Variants in CCL24 observed in about 807,000 individuals in gnomAD.
The protein encoded by CCL24 is C-C motif chemokine 24.
In CCL24, 6 loss-of-function variants were observed where a neutral mutation model predicts 8.6. The observed-to-expected ratio is 0.70, with a 90% CI of 0.38 to 1.38. The LOEUF (loss-of-function observed/expected upper bound fraction) is 1.38. CCL24 is among the 40% of genes most tolerant of loss of function. The pLI, the probability that CCL24 is intolerant of heterozygous loss-of-function variation, is 0.02. For missense variants in CCL24, 126 were observed against 147.1 expected, an observed-to-expected ratio of 0.86 and a Z score of 0.74; for synonymous variants, 59 against 52.7, an observed-to-expected ratio of 1.12 and a Z score of -0.52.
intron 1 of CCL24, among the ~76,000 whole-genome samples, chr7:75,820,261 C>T (rs1303343791): frequency 6.6e-6 from 1 of 151,712 alleles, no homozygotes; most frequent in East Asian, 1.9e-4. Context: ...TCACTGCAAC[C>T]TCCAACTCCC....
upstream of CCL24, among the ~76,000 whole-genome samples, chr7:75,817,293 T>TG (rs1175900837): frequency 6.6e-6 from 1 of 151,456 alleles, no homozygotes; most frequent in Non-Finnish European, 1.5e-5. Flanking sequence ...AGGAGGAAGT[T>TG]GGGGGGAGAA....
chr7:75,818,198 G>A (rs782563976), upstream of CCL24, among the ~76,000 whole-genome samples: 3 of 152,090 alleles, frequency 2.0e-5, no homozygotes, highest in Non-Finnish European at 4.4e-5. Flanking sequence ...CCTGTTTTAC[G>A]AGGGAAGAGC....
chr7:75,819,489 A>G (rs1417800219), intron 1 of CCL24, among the ~76,000 whole-genome samples: 2 of 149,328 alleles, frequency 1.3e-5, no homozygotes, highest in African/African-American at 4.9e-5. Flanking sequence ...TTAGCCAGAC[A>G]CTGGGGTGCA....
At chr7:75,812,050 CAG>C (rs1382770356) in intron 2 of CCL24, 86 bp from the exon 3 acceptor site, 30 of 1,136,346 alleles carry the variant, frequency 2.6e-5, no homozygotes, top group Non-Finnish European at 3.4e-5. Flanking sequence ...TGTGGACGCC[CAG>C]AGACAGTAAG....
rs782328673 is a variant in CCL24, at chr7:75,813,340, A to G, written c.157T>C (p.Ser53Pro). Residue 53 changes from serine (S) to proline (P), a missense_variant, in exon 2 of 3, where the codon TCC (serine) becomes CCC (proline). By Grantham distance (74) the Ser-to-Pro change is moderately conservative. Transcript: ENST00000222902. ...PENRVVSYQL[S>P]SRSTCLKAGV... ...GCCTTGAGGCATGTGCTCCTGCTGG[A>G]CAGCTGGTAGCTGACCACTCGGTTC... 1.4e-5 allele frequency: 23 copies of G among 1,612,166 alleles called. No individual in the cohort carries two copies. The highest frequency in any genetic ancestry group is 1.9e-5 in the Non-Finnish European group (22 of 1,178,536).
rs1201117577 is a variant in CCL24, at chr7:75,811,613, T to C, written c.*183A>G. On this transcript the variant is annotated 3_prime_UTR_variant, in exon 3 of 3. Coordinates refer to ENST00000222902, the MANE Select transcript of CCL24 (RefSeq NM_002991.3). The stretch of plus-strand genomic sequence containing the variant: ...GGCCTTGGATGCTTGGAGCCATTGC[T>C]CAGCCCCCGGGAACCACATCACCTG... 9.3e-6 allele frequency: 5 copies of C among 538,282 alleles called. No homozygotes were observed. The highest frequency in any genetic ancestry group is 1.6e-5 in the Non-Finnish European group (5 of 311,818). 33.3% of individuals were successfully genotyped at this position (538,282 alleles called of 1,614,324 possible). A position where few individuals can be genotyped will look rare whatever the true frequency, so the allele number is the denominator to read the frequency against.
intron 1 of CCL24, among the ~76,000 whole-genome samples, chr7:75,820,816 AATCCATCCATCC>A (rs78975822): frequency 5.0e-5 from 7 of 139,236 alleles, no homozygotes; most frequent in South Asian, 2.3e-4. Context: ...TCCATTCACT[AATCCATCCATCC>A]ATCCATCCAT....
At chr7:75,818,601 C>T (rs138854296), upstream of CCL24, among the ~76,000 whole-genome samples, 137 of 148,606 alleles carry the variant, frequency 9.2e-4, 1 homozygote, top group African/African-American at 3.2e-3. Flanking sequence ...CATGGCAAGA[C>T]CCGGACTCTT....
upstream of CCL24, among the ~76,000 whole-genome samples, chr7:75,818,446 C>CAA (rs782549486): frequency 1.4e-3 from 99 of 70,060 alleles, 1 homozygote; most frequent in East Asian, 7.5e-3. Context: ...GACTCCGTCT[C>CAA]AAAAAAAAAA....
At chr7:75,813,537 A>G (rs2302004) in intron 1 of CCL24, 106 bp downstream of exon 1, 555,719 of 1,253,546 alleles carry the variant, frequency 0.44, 126,459 homozygotes, top group East Asian at 0.65. Context: ...TCACTGGGCC[A>G]CCCTTTCCCC....
At chr7:75,813,594 G>A (rs1554533745) in intron 1 of CCL24, 49 bp downstream of exon 1, 1 of 1,525,776 alleles carries the variant, frequency 6.6e-7, no homozygotes, top group African/African-American at 1.4e-5. Context: ...ACCCCCCACT[G>A]TGCCATCCCA....
rs782611011 is a variant in CCL24, at chr7:75,813,742, G to A, written c.-27C>T. The A allele has an allele frequency of 1.2e-5, 19 of 1,599,080 alleles. No individual in the cohort carries two copies. Among genetic ancestry groups the A allele is most frequent in the East Asian group, 4.5e-5 (2 of 44,776 alleles). On this transcript the variant is annotated 5_prime_UTR_variant, in exon 1 of 3. Transcript: ENST00000222902. ...TCTCAGAGAGCAGAAGCACCAGCTC[G>A]GGGCTCAAAGCTGACGTGCAGGAGG...
chr7:75,822,996 C>A (rs548715084), intron 1 of CCL24, among the ~76,000 whole-genome samples: 1 of 152,186 alleles, frequency 6.6e-6, no homozygotes, highest in African/African-American at 2.4e-5. Flanking sequence ...CCAATGCCAC[C>A]ACACCGAGTT....
chr7:75,813,148 C>T (rs1803810810), intron 2 of CCL24, among the ~76,000 whole-genome samples, 158 bp downstream of exon 2: 2 of 152,124 alleles, frequency 1.3e-5, no homozygotes, highest in Non-Finnish European at 2.9e-5. Context: ...ATATATCCTC[C>T]TCCTAGTTTT....
upstream of CCL24, among the ~76,000 whole-genome samples, chr7:75,814,684 A>G (rs1366959289): frequency 2.6e-5 from 4 of 151,948 alleles, no homozygotes; most frequent in Non-Finnish European, 4.4e-5. Flanking sequence ...CCCAACAGCC[A>G]TCGCCTGTAC....
chr7:75,822,718 A>T (rs782200091), intron 1 of CCL24, among the ~76,000 whole-genome samples: 3 of 152,130 alleles, frequency 2.0e-5, no homozygotes, highest in Non-Finnish European at 2.9e-5. Context: ...AATCCCAGCT[A>T]CTCAGGAGGT....
rs1563354037 is a variant in CCL24 at position 75,820,133 on chromosome 7, C to CTTCTTCTTCTTCTTCTTCTT, written c.-60+3188_-60+3189insAAGAAGAAGAAGAAGAAGAA. Among the ~76,000 whole-genome samples the CTTCTTCTTCTTCTTCTTCTT allele has an allele frequency of 1.3e-3, 105 of 78,564 alleles. 3 individuals carry two copies. The highest frequency in any genetic ancestry group is 5.9e-3 in the Middle Eastern group (1 of 170). The allele number at this position is 78,564 out of a possible 152,430, so 51.5% of individuals were successfully genotyped here. ...TTCTTCTTCTTCTTCTTCTTCTTCT[C>CTTCTTCTTCTTCTTCTTCTT]CTCCTCCTCCTCCTCCTCCTTCTCC... On this transcript the variant is annotated intron_variant, in intron 1 of 3. Coordinates refer to the CCL24 transcript ENST00000416943.
At chr7:75,820,035 T>G (rs1021982412) in intron 1 of CCL24, among the ~76,000 whole-genome samples, 7 of 134,608 alleles carry the variant, frequency 5.2e-5, no homozygotes, top group South Asian at 2.7e-4. Flanking sequence ...CTTCTTCTTC[T>G]TCTTCTTCTT....
chr7:75,815,345 A>C (rs1254017004), upstream of CCL24, among the ~76,000 whole-genome samples: 4 of 151,646 alleles, frequency 2.6e-5, no homozygotes, highest in African/African-American at 7.3e-5. Context: ...TCTCTTAAAA[A>C]AAAAAAAAAA....
Sources: gnomAD v4.1 joint callset for allele counts (sites outside exome capture counted in the v4.1 genomes callset) on GRCh38, gnomAD v4.1.1 for gene constraint, MANE v1.5 for transcripts, NCBI Gene and HGNC (gene_info 2026-07-23, HGNC 2026-07-21) for gene names.